The following DNAH9 variants were observed in gnomAD, a reference collection of about 807,000 sequenced individuals.
DNAH9 encodes the protein dynein axonemal heavy chain 9.
Under a neutral mutation model 471.6 loss-of-function variants are expected in DNAH9, and 345 were observed. The observed-to-expected ratio is 0.73, with a 90% CI of 0.67 to 0.80. The LOEUF (loss-of-function observed/expected upper bound fraction) is 0.80, where lower values mean the gene tolerates loss of function less well. Among genes scored for constraint, DNAH9 ranks in the 30% least tolerant of loss-of-function variants. The pLI is 0.00. For synonymous variants in DNAH9, 2,093 were observed against 2,123.6 expected (o/e 0.99, Z 0.40); for missense variants, 5,407 against 5,609.2 (o/e 0.96, Z 1.15).
chr17:11,824,641 T>G (rs948757863), intron 48 of DNAH9, among the ~76,000 whole-genome samples: 3 of 152,220 alleles, frequency 2.0e-5, no homozygotes, highest in Non-Finnish European at 4.4e-5. Context: ...TAATATTGCT[T>G]CTTCTTCTTA....
At chr17:11,856,549 A>AAAAAT (rs1326371880) in intron 50 of DNAH9, among the ~76,000 whole-genome samples, 1 of 150,702 alleles carries the variant, frequency 6.6e-6, no homozygotes, top group African/African-American at 2.4e-5. Context: ...AATACAAAAA[A>AAAAAT]AAAAAAATTA....
At chr17:11,633,580 C>G (rs1015322972) in intron 8 of DNAH9, among the ~76,000 whole-genome samples, 1 of 152,218 alleles carries the variant, frequency 6.6e-6, no homozygotes, top group Non-Finnish European at 1.5e-5. Context: ...ATACATGTAG[C>G]CTTTAATCAA....
intron 66 of DNAH9, among the ~76,000 whole-genome samples, chr17:11,938,589 A>AT (rs534192394): frequency 1.1e-3 from 164 of 149,536 alleles, no homozygotes; most frequent in Non-Finnish European, 2.1e-3. Context: ...TACTGCCTGG[A>AT]TTTTTTTTTT....
In DNAH9 at chr17:11,704,506, A is replaced by C. The variant is rs138378028; in HGVS notation, c.5391+64A>C. On this transcript the variant is annotated intron_variant, in intron 25 of 68. Transcript: ENST00000262442. ...CAGCTACACTGAGAACAGCACATAC[A>C]GCCAAAATATGGGGGCCCCAGGGTC... The C allele has an allele frequency of 1.1e-3, 1,757 of 1,566,424 alleles. 8 individuals carry two copies. Among genetic ancestry groups the C allele is most frequent in the South Asian group, 3.4e-3 (279 of 83,164 alleles).
chr17:11,776,545 T>A (rs1424327456), intron 38 of DNAH9, among the ~76,000 whole-genome samples: 1 of 152,302 alleles, frequency 6.6e-6, no homozygotes, highest in Middle Eastern at 3.4e-3. Context: ...ATAGTCCCCA[T>A]TTTAACAAGT....
chr17:11,807,478 G>T (rs528971722), intron 43 of DNAH9, among the ~76,000 whole-genome samples: 85 of 152,208 alleles, frequency 5.6e-4, no homozygotes, highest in African/African-American at 2.0e-3. Flanking sequence ...CTGCAATCCT[G>T]CTCCCTTCCA....
chr17:11,947,772 ATT>A (rs71367359), intron 67 of DNAH9, among the ~76,000 whole-genome samples: 100 of 108,316 alleles, frequency 9.2e-4, no homozygotes, highest in African/African-American at 1.2e-3. Flanking sequence ...GCTGGGAACT[ATT>A]TTTTTTTTTT....
intron 67 of DNAH9, among the ~76,000 whole-genome samples, chr17:11,953,593 C>G (rs1054231282): frequency 6.6e-6 from 1 of 151,856 alleles, no homozygotes; most frequent in Admixed American, 6.6e-5. Context: ...GGGCGGATCA[C>G]GAGGTCAGGA....
At chr17:11,757,857 C>T (rs993207611) in intron 35 of DNAH9, among the ~76,000 whole-genome samples, 165 bp downstream of exon 35, 3 of 152,130 alleles carry the variant, frequency 2.0e-5, no homozygotes, top group African/African-American at 7.2e-5. Flanking sequence ...ATTAGGATGG[C>T]CATGGGATGC....
chr17:11,607,196 C>T (rs950701727), intron 1 of DNAH9, among the ~76,000 whole-genome samples: 1 of 151,608 alleles, frequency 6.6e-6, no homozygotes, highest in Admixed American at 6.6e-5. Context: ...ATTTAATCAC[C>T]TCCTATTCAC....
In DNAH9 at chr17:11,902,894, G is replaced by T; in HGVS notation, c.11582G>T (p.Arg3861Leu). 1 of 1,613,416 alleles carries T rather than the reference G, an allele frequency of 6.2e-7. No individual in the cohort carries two copies. The highest frequency in any genetic ancestry group is 8.5e-7 in the Non-Finnish European group (1 of 1,179,788). The change falls in exon 60 of 69, where the codon CGG becomes CTG. Residue 3861 changes from arginine to leucine, a missense_variant. By Grantham distance (102) the Arg-to-Leu change is moderately radical. This residue lies in a region of DNAH9 where 4,636 missense variants were observed against 4,900.3 expected (regional missense o/e 0.95). Transcript: ENST00000262442. The part of the protein sequence containing the change: ...LCMLRAMRPD[R>L]MTYALRDFVE... ...ATGCTGAGAGCCATGCGGCCCGACC[G>T]GATGACCTATGCTTTGCGGTAGGAA...
At chr17:11,836,806 A>G (rs1435150027) in intron 49 of DNAH9, among the ~76,000 whole-genome samples, 1 of 152,224 alleles carries the variant, frequency 6.6e-6, no homozygotes, top group Non-Finnish European at 1.5e-5. Flanking sequence ...TGTCTTGTTC[A>G]CTGATCATTC....
intron 20 of DNAH9, among the ~76,000 whole-genome samples, chr17:11,693,645 G>T (rs1001050077): frequency 6.6e-6 from 1 of 151,990 alleles, no homozygotes; most frequent in African/African-American, 2.4e-5. Flanking sequence ...ATGATAGATA[G>T]TACCTACATA....
chr17:11,680,993 C>G (rs565192623), intron 19 of DNAH9, 104 bp downstream of exon 19: 3 of 1,095,426 alleles, frequency 2.7e-6, no homozygotes, highest in Admixed American at 5.1e-5. Flanking sequence ...AGCTGCAGAC[C>G]AGTTAATAAT....
intron 41 of DNAH9, among the ~76,000 whole-genome samples, chr17:11,793,072 A>G (rs554500673): frequency 6.6e-6 from 1 of 152,370 alleles, no homozygotes; most frequent in South Asian, 2.1e-4. Context: ...TGAGCACAAA[A>G]GAATAATTCC....
intron 14 of DNAH9, among the ~76,000 whole-genome samples, chr17:11,654,187 C>G (rs2073576720): frequency 9.7e-6 from 1 of 102,590 alleles, no homozygotes; most frequent in Admixed American, 9.5e-5. Flanking sequence ...AACCCCGTCT[C>G]TACTAAAAAT....
chr17:11,947,580 G>T (rs1975174207), intron 67 of DNAH9, among the ~76,000 whole-genome samples: 1 of 151,862 alleles, frequency 6.6e-6, no homozygotes, highest in Non-Finnish European at 1.5e-5. Flanking sequence ...ATGATGTTTG[G>T]TATTTTAGAT....
At chr17:11,822,398 T>A in intron 46 of DNAH9, 40 bp from the exon 47 acceptor site, 1 of 1,611,726 alleles carries the variant, frequency 6.2e-7, no homozygotes, top group South Asian at 1.1e-5. Flanking sequence ...AGTATTTCTC[T>A]GATGCCTTCC....
rs895802400 is a variant in DNAH9 at position 11,962,320 on chromosome 17, A to G, written c.13233+64A>G. 4.0e-6 allele frequency: 6 copies of G among 1,507,648 alleles called. No homozygotes were observed. The highest frequency in any genetic ancestry group is 1.4e-5 in the African/African-American group (1 of 71,734). 93.4% of individuals were successfully genotyped at this position (1,507,648 alleles called of 1,614,324 possible). On this transcript the variant is annotated intron_variant, in intron 68 of 68. Coordinates refer to ENST00000262442, the MANE Select transcript of DNAH9 (RefSeq NM_001372.4). The surrounding 1 kb of genome is among the most constrained non-coding windows in gnomAD (Gnocchi z 4.1). ...GCTGATTAAATACACATTGCTTCCT[A>G]TGAAGTGTGACTACTAAAAGAGATA...
Sources: allele counts gnomAD v4.1 joint callset (sites outside exome capture counted in the v4.1 genomes callset), GRCh38; gene constraint gnomAD v4.1.1; regional missense constraint gnomAD v4.1.1; non-coding constraint Gnocchi (gnomAD v3.1); transcripts MANE v1.5; gene names NCBI Gene and HGNC (gene_info 2026-07-23, HGNC 2026-07-21).